Variants in EYS observed in about 807,000 individuals in gnomAD.
EYS encodes EGF-like photoreceptor maintenance factor, also known as protein eyes shut homolog.
A neutral mutation model predicts 282.1 loss-of-function variants in EYS; 250 were observed. The observed-to-expected ratio is 0.89, with a 90% CI of 0.80 to 0.98. The LOEUF is 0.98. Among genes scored for constraint, EYS ranks in the 50% least tolerant of loss-of-function variants. EYS has a pLI of 0.00. For synonymous variants in EYS, 1,355 were observed against 1,282.9 expected, an observed-to-expected ratio of 1.06 and a Z score of -1.20; for missense variants, 4,016 against 3,709.0, an observed-to-expected ratio of 1.08 and a Z score of -2.15.
At chr6:64,353,050 T>C (rs757258602) in intron 29 of EYS, among the ~76,000 whole-genome samples, 1 of 151,518 alleles carries the variant, frequency 6.6e-6, no homozygotes, top group Non-Finnish European at 1.5e-5. Flanking sequence ...CTAAAGTGGT[T>C]ACCAGTATAG....
rs1412311460 is a variant in EYS at position 64,813,468 on chromosome 6, A to G, written c.3353T>C (p.Ile1118Thr). ...GYTGAYCEKS[I>T]DNCAEPELNS... ...AAGTTCAGGCTCAGCACAATTATCA[A>G]TGCTTTTTTCACAGTATGCACCAGT... The change falls in exon 22 of 43, where the codon ATT becomes ACT. Residue 1118 changes from isoleucine to threonine, a missense_variant. Coordinates refer to ENST00000503581, the MANE Select transcript of EYS (RefSeq NM_001142800.2). 7.1e-6 allele frequency: 11 copies of G among 1,550,328 alleles called. No individual in the cohort carries two copies. The highest frequency in any genetic ancestry group is 5.9e-5 in the Admixed American group (3 of 50,872).
chr6:64,361,482 A>G (rs148151703), intron 29 of EYS, among the ~76,000 whole-genome samples: 2 of 151,948 alleles, frequency 1.3e-5, no homozygotes, highest in East Asian at 1.9e-4. Flanking sequence ...CATATGATAC[A>G]AAATATCACT....
chr6:64,346,186 G>T (rs1248389760), intron 29 of EYS, among the ~76,000 whole-genome samples: 1 of 152,060 alleles, frequency 6.6e-6, no homozygotes, highest in Admixed American at 6.6e-5. Flanking sequence ...ATTTGACCCA[G>T]CCATCCCATT....
chr6:64,441,279 A>G (rs578133593), intron 26 of EYS, among the ~76,000 whole-genome samples: 3 of 152,304 alleles, frequency 2.0e-5, no homozygotes, highest in Admixed American at 6.5e-5. Flanking sequence ...TTGACATCTC[A>G]GCTGGTTCAG....
chr6:65,626,823 C>T (rs188644713), intron 2 of EYS, among the ~76,000 whole-genome samples: 6 of 151,558 alleles, frequency 4.0e-5, no homozygotes, highest in Admixed American at 6.6e-5. Context: ...TGTGTGTGCT[C>T]GGCAGTGTTT....
At chr6:64,198,998 G>T (rs1376094919) in intron 31 of EYS, among the ~76,000 whole-genome samples, 2 of 152,102 alleles carry the variant, frequency 1.3e-5, no homozygotes, top group Non-Finnish European at 2.9e-5. Context: ...GTTGTTTCCT[G>T]ACTTTTTAAT....
intron 11 of EYS, chr6:65,332,199 A>G (rs1359301323): frequency 1.1e-5 from 6 of 524,348 alleles, no homozygotes; most frequent in Non-Finnish European, 2.0e-5. Context: ...TGTTTGTTTC[A>G]TAAAGTGTTG....
chr6:64,535,922 C>T (rs1404615507), intron 26 of EYS, among the ~76,000 whole-genome samples: 1 of 151,744 alleles, frequency 6.6e-6, no homozygotes, highest in East Asian at 1.9e-4. Flanking sequence ...TCATCTTAAC[C>T]TTAGATTAAG....
chr6:64,696,151 A>C lies in EYS; in HGVS notation c.3444-69906T>G, dbSNP rs116274761. On this transcript the variant is annotated intron_variant, in intron 22 of 42. Transcript: ENST00000503581. The stretch of plus-strand genomic sequence containing the variant: ...GATATGAATGAGAAATGTACCAAAG[A>C]GATAGATATCTTTTAAAAAGATAAA... Among the ~76,000 whole-genome samples the C allele has an allele frequency of 5.4e-3, 830 of 152,312 alleles. 3 individuals are homozygous for C. Among genetic ancestry groups the C allele is most frequent in the Non-Finnish European group, 9.2e-3 (625 of 68,030 alleles).
chr6:65,353,474 C>T lies in EYS; in HGVS notation c.1443G>A (p.Trp481Ter). Residue 481 changes from tryptophan to a stop codon, truncating the protein, a stop_gained, in exon 9 of 43, where the codon TGG becomes TGA. Coordinates refer to ENST00000503581, the MANE Select transcript of EYS (RefSeq NM_001142800.2). LOFTEE classifies it high-confidence loss of function. The stretch of plus-strand genomic sequence containing the variant: ...ATTTGTTACCTGCAAATCCCAATTG[C>T]CACACATATTCAAATTGAGCAGGAC... ...DKGPAQFEYV[W>*]QLGFAGSEGE... 3.1e-6 allele frequency: 5 copies of T among 1,612,902 alleles called. No homozygotes were observed. Among genetic ancestry groups the T allele is most frequent in the Non-Finnish European group, 4.2e-6 (5 of 1,179,334 alleles).
chr6:65,454,419 T>C (rs899660714), intron 5 of EYS, among the ~76,000 whole-genome samples: 5 of 151,994 alleles, frequency 3.3e-5, no homozygotes, highest in Non-Finnish European at 4.4e-5. Context: ...TTGTTAGATG[T>C]ATAATTTGCA....
rs547314043 is a variant in EYS at position 64,591,140 on chromosome 6, T to C, written c.4727A>G (p.His1576Arg). The change falls in exon 26 of 43, where the codon CAT becomes CGT. Residue 1576 changes from histidine (H) to arginine (R), a missense_variant. His to Arg is a conservative substitution (Grantham distance 29, BLOSUM62 0). Transcript: ENST00000503581. ...CTCATAAAAGTGGGACTGTTTGCTA[T>C]GCAAAACTTGATCTGAGAATTCACG... ...SSREFSDQVL[H>R]SKQSHFYETF... 4 of 1,551,366 alleles carry C rather than the reference T, an allele frequency of 2.6e-6. No individual in the cohort carries two copies. The highest frequency in any genetic ancestry group is 3.5e-6 in the Non-Finnish European group (4 of 1,146,790).
At position 64,923,227 on chromosome 6, in the gene EYS, A is replaced by T. The variant is rs2015797; in HGVS notation, c.2382-10484T>A. On this transcript the variant is annotated intron_variant, in intron 15 of 42. Transcript: ENST00000503581. ...AGAATCATGATGGGAGGCGAAAGGT[A>T]TGTCTTACATGGTGGTGGCAAGAGA... Among the ~76,000 whole-genome samples the T allele has an allele frequency of 1.2e-4, 18 of 152,260 alleles. No homozygotes were observed. The East Asian group carries it at 2.5e-3, about 21-fold the overall frequency.
At chr6:64,479,254 T>C (rs1212497582) in intron 26 of EYS, among the ~76,000 whole-genome samples, 1 of 151,936 alleles carries the variant, frequency 6.6e-6, no homozygotes, top group African/African-American at 2.4e-5. Flanking sequence ...TTAACCAACC[T>C]CAAGACCCAG....
At chr6:63,908,087 T>A (rs957220395) in intron 35 of EYS, among the ~76,000 whole-genome samples, 2 of 149,558 alleles carry the variant, frequency 1.3e-5, no homozygotes, top group African/African-American at 4.9e-5. Context: ...TCTCAGTCTC[T>A]ATCAATCTAT....
chr6:65,519,704 A>ATT (rs1562237544), intron 2 of EYS, among the ~76,000 whole-genome samples: 6 of 36,240 alleles, frequency 1.7e-4, no homozygotes, highest in African/African-American at 6.1e-4. Flanking sequence ...ATATATATAT[A>ATT]TATATTTTTT....
chr6:65,456,200 C>A (rs187571578), intron 5 of EYS, among the ~76,000 whole-genome samples: 93 of 152,166 alleles, frequency 6.1e-4, no homozygotes, highest in African/African-American at 2.2e-3. Context: ...CACCCGTAAC[C>A]CTAGCACTTT....
intron 35 of EYS, among the ~76,000 whole-genome samples, chr6:63,944,643 T>C (rs1369587967): frequency 1.3e-5 from 2 of 152,088 alleles, no homozygotes; most frequent in Non-Finnish European, 2.9e-5. Flanking sequence ...AGGAGAACTA[T>C]ACTGGCCAGG....
intron 28 of EYS, among the ~76,000 whole-genome samples, chr6:64,431,085 G>T (rs901848914): frequency 1.3e-5 from 2 of 152,076 alleles, no homozygotes; most frequent in African/African-American, 4.8e-5. Context: ...CAAAGACCTT[G>T]ACTTTAGGGA....
Sources: allele counts gnomAD v4.1 joint callset (sites outside exome capture counted in the v4.1 genomes callset), GRCh38; gene constraint gnomAD v4.1.1; transcripts MANE v1.5; gene names NCBI Gene and HGNC (gene_info 2026-07-23, HGNC 2026-07-21).